PADI4: variants seen among roughly 807,000 people sequenced by gnomAD.
The protein encoded by PADI4 is peptidyl arginine deiminase 4.
PADI4 carries 62 observed loss-of-function variants against 75.0 expected under a neutral mutation model. That is an observed-to-expected ratio of 0.83 (90% CI 0.67 to 1.02). The LOEUF (loss-of-function observed/expected upper bound fraction) is 1.02. PADI4 is among the 50% of genes least tolerant of loss of function. The pLI, the probability that PADI4 is intolerant of heterozygous loss-of-function variation, is 0.00. For synonymous variants in PADI4, 361 were observed against 348.1 expected (o/e 1.04, Z -0.41); for missense variants, 845 against 850.5 (o/e 0.99, Z 0.08).
chr1:17,319,728 C>A lies in PADI4; in HGVS notation c.93-11241C>A, dbSNP rs148565293. On this transcript the variant is annotated intron_variant, in intron 1 of 15. Coordinates refer to ENST00000375448, the MANE Select transcript of PADI4 (RefSeq NM_012387.3). The stretch of plus-strand genomic sequence containing the variant: ...TGAACAATATTTACGGACAGAAAAA[C>A]GAAAGTGACCCACAGAGCACGGAAG... Among the ~76,000 whole-genome samples, 872 of 152,246 alleles carry A rather than the reference C, an allele frequency of 5.7e-3. 13 individuals are homozygous for A. The highest frequency in any genetic ancestry group is 0.02 in the African/African-American group (825 of 41,536).
intron 1 of PADI4, among the ~76,000 whole-genome samples, chr1:17,322,404 G>A (rs1451068846): frequency 6.6e-6 from 1 of 152,120 alleles, no homozygotes; most frequent in Non-Finnish European, 1.5e-5. Context: ...CAGGAGAATT[G>A]CTTGAACCTG....
chr1:17,334,592 T>A (rs1421313489), intron 3 of PADI4: 1 of 456,252 alleles, frequency 2.2e-6, no homozygotes, highest in Admixed American at 2.3e-5. Flanking sequence ...CATGAACCAC[T>A]GCGCCAGGCC....
chr1:17,331,181 G>A (rs1449622883), intron 2 of PADI4, 32 bp downstream of exon 2: 2 of 1,585,744 alleles, frequency 1.3e-6, no homozygotes, highest in East Asian at 2.3e-5. Flanking sequence ...TGGCAGTGTG[G>A]ATGGGCTTCA....
intron 1 of PADI4, among the ~76,000 whole-genome samples, chr1:17,319,150 T>C (rs1267080827): frequency 6.6e-6 from 1 of 152,216 alleles, no homozygotes; most frequent in East Asian, 1.9e-4. Context: ...ACATGCCCCT[T>C]GCTTCTTCCT....
chr1:17,353,676 G>A (rs2074708094), intron 10 of PADI4, among the ~76,000 whole-genome samples: 1 of 152,152 alleles, frequency 6.6e-6, no homozygotes. Context: ...AAGGGACTTT[G>A]CTGAATGTAA....
intron 1 of PADI4, among the ~76,000 whole-genome samples, chr1:17,323,512 A>G (rs1310212506): frequency 6.6e-6 from 1 of 152,202 alleles, no homozygotes; most frequent in African/African-American, 2.4e-5. Flanking sequence ...ATATAGAGAC[A>G]AATATTCAAT....
intron 1 of PADI4, among the ~76,000 whole-genome samples, chr1:17,309,615 C>T (rs1301174150): frequency 6.6e-6 from 1 of 152,176 alleles, no homozygotes; most frequent in Non-Finnish European, 1.5e-5. Context: ...GAGTGGTTGC[C>T]CCTGGCTTCC....
intron 1 of PADI4, among the ~76,000 whole-genome samples, chr1:17,313,940 GA>G (rs1212569977): frequency 6.6e-6 from 1 of 152,202 alleles, no homozygotes; most frequent in African/African-American, 2.4e-5. Context: ...TAGGAGCTGA[GA>G]ACATCTGGAA....
intron 7 of PADI4, 62 bp downstream of exon 7, chr1:17,342,183 G>C: frequency 1.3e-6 from 2 of 1,547,996 alleles, no homozygotes; most frequent in Non-Finnish European, 1.8e-6. Flanking sequence ...CCTGGCTAGG[G>C]AAAGGGGTAC....
At position 17,331,078 on chromosome 1, in the gene PADI4, T is replaced by A; in HGVS notation, c.202T>A (p.Trp68Arg). ...AKKKSTGSST[W>R]PLDPGVEVTL... ...GAAGAAATCCACAGGTTCCTCCACA[T>A]GGCCCCTGGACCCTGGGGTAGAGGT... is the stretch of plus-strand genomic sequence containing the variant. Residue 68 changes from tryptophan (W) to arginine (R), a missense_variant, in exon 2 of 16, where the codon TGG becomes AGG. Trp to Arg is a moderately radical substitution (Grantham distance 101). Coordinates refer to ENST00000375448, the MANE Select transcript of PADI4 (RefSeq NM_012387.3). 1 of 1,612,286 alleles carries A rather than the reference T, an allele frequency of 6.2e-7. No homozygotes were observed. Among genetic ancestry groups the A allele is most frequent in the East Asian group, 2.2e-5 (1 of 44,728 alleles).
intron 3 of PADI4, chr1:17,334,616 T>C: frequency 2.2e-6 from 1 of 456,356 alleles, no homozygotes; most frequent in East Asian, 7.0e-5. Context: ...TATTCCTTTT[T>C]GATACCTCAA....
chr1:17,320,590 T>C (rs1256928137), intron 1 of PADI4, among the ~76,000 whole-genome samples: 3 of 152,196 alleles, frequency 2.0e-5, no homozygotes, highest in Non-Finnish European at 2.9e-5. Context: ...AGCGTTGCCA[T>C]AGTATCCGTA....
In PADI4 at chr1:17,342,030, T is replaced by C. The variant is rs371809837; in HGVS notation, c.740T>C (p.Met247Thr). 1 of 1,613,922 alleles carries C rather than the reference T, an allele frequency of 6.2e-7. No homozygotes were observed. The highest frequency in any genetic ancestry group is 1.7e-5 in the Admixed American group (1 of 60,024). The change falls in exon 7 of 16, where the codon ATG (methionine) becomes ACG (threonine). Residue 247 changes from methionine (M) to threonine (T), a missense_variant. Coordinates refer to ENST00000375448, the MANE Select transcript of PADI4 (RefSeq NM_012387.3). ...YLMVPGGKHNMDFYVEALAFP... is the reference protein window; with the variant it reads ...YLMVPGGKHNTDFYVEALAFP... ...ATGGTCCCCGGTGGAAAGCACAACA[T>C]GGACTTCTACGTGGAGGCCCTCGCT...
intron 13 of PADI4, 77 bp from the exon 14 acceptor site, chr1:17,358,761 C>T: frequency 1.1e-6 from 1 of 889,850 alleles, no homozygotes; most frequent in African/African-American, 1.7e-5. Flanking sequence ...ACACTGAGTC[C>T]CCCCCCGGCA....
Position 17,338,164 on chromosome 1 carries a change from C to A in PADI4, c.526+9C>A. On this transcript the variant is annotated intron_variant, in intron 5 of 15. Transcript: ENST00000375448. Reference sequence around the variant, plus strand: ...AGTGCTTGACAGCGAAGGTAAAGAGCATTTGCTAGCTAACGGGAAGGGCTT... The same window carrying A: ...AGTGCTTGACAGCGAAGGTAAAGAGAATTTGCTAGCTAACGGGAAGGGCTT... The A allele has an allele frequency of 1.3e-6, 2 of 1,558,638 alleles. No homozygotes were observed. Among genetic ancestry groups the A allele is most frequent in the Non-Finnish European group, 1.8e-6 (2 of 1,129,850 alleles).
chr1:17,349,588 C>T (rs1295463914), intron 10 of PADI4, among the ~76,000 whole-genome samples: 1 of 151,962 alleles, frequency 6.6e-6, no homozygotes, highest in South Asian at 2.1e-4. Flanking sequence ...GCCTGTAATC[C>T]TATCTTCTCA....
At position 17,317,791 on chromosome 1, in the gene PADI4, C is replaced by T. The variant is rs931592378; in HGVS notation, c.92+9477C>T. On this transcript the variant is annotated intron_variant, in intron 1 of 15. Transcript: ENST00000375448. ...ATCCCAGCACTTTGGGAGGCCAAGG[C>T]AGGAGGATCACTTGAGGCCAGGAGT... 5.9e-5 allele frequency among the ~76,000 whole-genome samples: 9 copies of T among 152,162 alleles called. No individual in the cohort carries two copies. The East Asian group carries it at 1.8e-3, about 30-fold the overall frequency.
rs2074209746 is a variant in PADI4 at position 17,331,402 on chromosome 1, C to A, written c.273+253C>A. On this transcript the variant is annotated intron_variant, in intron 2 of 15. Coordinates refer to ENST00000375448, the MANE Select transcript of PADI4 (RefSeq NM_012387.3). ...GTCAGTACCTAACACATGCCAGACACTGCTAGACACTGCCAGGCACTGGGA... is the reference window on the plus strand; with the variant it reads ...GTCAGTACCTAACACATGCCAGACAATGCTAGACACTGCCAGGCACTGGGA... 2.0e-5 allele frequency among the ~76,000 whole-genome samples: 3 copies of A among 152,186 alleles called. No homozygotes were observed. In the South Asian group the frequency reaches 6.2e-4, roughly 31 times the overall value.
rs1397805520 is a variant in PADI4, at chr1:17,352,162, T to A, written c.1156-2371T>A. 6.1e-4 allele frequency among the ~76,000 whole-genome samples: 81 copies of A among 131,990 alleles called. 1 individual carries two copies. The highest frequency in any genetic ancestry group is 2.3e-3 in the South Asian group (9 of 3,950). The allele number at this position is 131,990 out of a possible 152,430, so 86.6% of individuals were successfully genotyped here. A position where few individuals can be genotyped will look rare whatever the true frequency, so the allele number is the denominator to read the frequency against. On this transcript the variant is annotated intron_variant, in intron 10 of 15. Coordinates refer to ENST00000375448, the MANE Select transcript of PADI4 (RefSeq NM_012387.3). ...GCAGTAGGAGAGGCAATCAGGGAGG[T>A]GATGAGAGGTGGTAGGAGAGGCGGT...
Sources: allele counts gnomAD v4.1 joint callset (sites outside exome capture counted in the v4.1 genomes callset), GRCh38; gene constraint gnomAD v4.1.1; transcripts MANE v1.5; gene names NCBI Gene and HGNC (gene_info 2026-07-23, HGNC 2026-07-21).